EHD2: variants seen among roughly 807,000 people sequenced by gnomAD.
EHD2 encodes the protein EH domain-containing protein 2.
EHD2 carries 27 observed loss-of-function variants against 41.0 expected under a neutral mutation model. The ratio of observed to expected loss-of-function variants is 0.66; its 90% CI spans 0.49 to 0.91. The LOEUF (loss-of-function observed/expected upper bound fraction) is 0.91. Ranked by LOEUF, EHD2 falls within the 40% of genes least tolerant of loss-of-function variation. The pLI is 0.00. For missense variants in EHD2, 673 were observed against 773.9 expected, an observed-to-expected ratio of 0.87 and a Z score of 1.55; for synonymous variants, 342 against 341.0, an observed-to-expected ratio of 1.00 and a Z score of -0.03.
chr19:47,715,615 G>A (rs1038042986), intron 1 of EHD2, among the ~76,000 whole-genome samples: 1 of 152,102 alleles, frequency 6.6e-6, no homozygotes, highest in African/African-American at 2.4e-5. Flanking sequence ...ATGGAAGGGA[G>A]AAGGGAGGAA....
rs556470943 is a variant in EHD2, at chr19:47,728,599, C to T, written c.915+2375C>T. On this transcript the variant is annotated intron_variant, in intron 4 of 5. Coordinates refer to ENST00000263277, the MANE Select transcript of EHD2 (RefSeq NM_014601.4). ...TTTTTTTTTTTTTGAGACAGGGTCT[C>T]CCTCTGTTGCCCAGGCTGGAGTGCA... 6.4e-5 allele frequency among the ~76,000 whole-genome samples: 9 copies of T among 140,910 alleles called. No homozygotes were observed. In the East Asian group the frequency reaches 1.8e-3, roughly 28 times the overall value. 92.4% of individuals were successfully genotyped at this position (140,910 alleles called of 152,430 possible). A position where few individuals can be genotyped will look rare whatever the true frequency, so the allele number is the denominator to read the frequency against.
chr19:47,731,168 G>C (rs1160026845), intron 4 of EHD2, among the ~76,000 whole-genome samples: 1 of 149,810 alleles, frequency 6.7e-6, no homozygotes, highest in Non-Finnish European at 1.5e-5. Context: ...AGAGCCTAAC[G>C]GGGCTGGAGA....
intron 4 of EHD2, chr19:47,731,279 A>AAAAAAAAAATATATATAT: frequency 1.6e-5 from 1 of 60,926 alleles, no homozygotes; most frequent in African/African-American, 4.9e-5. Flanking sequence ...AAAAAAAAAA[A>AAAAAAAAAATATATATAT]ATATATATAT....
chr19:47,721,422 C>G (rs1472427422), intron 3 of EHD2, among the ~76,000 whole-genome samples: 1 of 151,786 alleles, frequency 6.6e-6, no homozygotes, highest in Non-Finnish European at 1.5e-5. Flanking sequence ...TCAAGCAATT[C>G]TCTGCCTCAG....
chr19:47,740,255 G>A (rs945663829), intron 5 of EHD2, among the ~76,000 whole-genome samples: 11 of 151,820 alleles, frequency 7.2e-5, no homozygotes, highest in Non-Finnish European at 1.5e-4. Flanking sequence ...TAGTCCCAGC[G>A]AATTGCGGGG....
At chr19:47,735,264 AG>A (rs1966909344) in intron 4 of EHD2, among the ~76,000 whole-genome samples, 1 of 151,966 alleles carries the variant, frequency 6.6e-6, no homozygotes, top group South Asian at 2.1e-4. Flanking sequence ...CTGGAGGGAG[AG>A]GCTTAGGCTG....
intron 4 of EHD2, among the ~76,000 whole-genome samples, chr19:47,728,422 T>C (rs940840630): frequency 1.3e-5 from 2 of 152,058 alleles, no homozygotes; most frequent in Non-Finnish European, 2.9e-5. Context: ...ATGCCCTCCT[T>C]TGAATGAATA....
At position 47,716,768 on chromosome 19, in the gene EHD2, C is replaced by T. The variant is rs764869867; in HGVS notation, c.156C>T (p.Asp52=). 2.7e-5 allele frequency: 44 copies of T among 1,613,022 alleles called. 1 individual carries two copies. Among genetic ancestry groups the T allele is most frequent in the South Asian group, 2.5e-4 (23 of 90,940 alleles). The change falls in exon 2 of 6, where the codon GAC becomes GAT. Residue 52 remains aspartate, a synonymous_variant. Coordinates refer to ENST00000263277, the MANE Select transcript of EHD2 (RefSeq NM_014601.4). ...FGAFHSPALE[D]ADFDGKPMVL... ...CCTTCCACTCGCCGGCCCTGGAGGA[C>T]GCAGACTTCGACGGCAAGCCCATGG...
chr19:47,715,739 T>C (rs547462281), intron 1 of EHD2, among the ~76,000 whole-genome samples: 1 of 152,290 alleles, frequency 6.6e-6, no homozygotes, highest in South Asian at 2.1e-4. Context: ...TTCAACCATG[T>C]CACCATTAAT....
rs1202242863 is a variant in EHD2 at position 47,741,670 on chromosome 19, C to T, written c.*238C>T. The T allele has an allele frequency of 2.6e-5, 16 of 621,732 alleles. No homozygotes were observed. Among genetic ancestry groups the T allele is most frequent in the Non-Finnish European group, 4.3e-5 (15 of 349,372 alleles). The allele number at this position is 621,732 out of a possible 1,614,324, so 38.5% of individuals were successfully genotyped here. On this transcript the variant is annotated 3_prime_UTR_variant, in exon 6 of 6. Coordinates refer to ENST00000263277, the MANE Select transcript of EHD2 (RefSeq NM_014601.4). The surrounding 1 kb of genome is among the most constrained non-coding windows in gnomAD (Gnocchi z 4.5). ...CAGCCTCACGTTCACTTAGGCACATCACACACACACTGGCACACGCAGGCA... is the reference window on the plus strand; with the variant it reads ...CAGCCTCACGTTCACTTAGGCACATTACACACACACTGGCACACGCAGGCA...
intron 3 of EHD2, among the ~76,000 whole-genome samples, chr19:47,721,685 T>C (rs1973698576): frequency 6.6e-6 from 1 of 151,846 alleles, no homozygotes; most frequent in East Asian, 1.9e-4. Context: ...TTTTCTTACC[T>C]GCAAAATGGG....
chr19:47,724,491 G>A (rs1321353872), intron 3 of EHD2, among the ~76,000 whole-genome samples: 1 of 152,200 alleles, frequency 6.6e-6, no homozygotes, highest in Non-Finnish European at 1.5e-5. Context: ...AGACAGCTAA[G>A]TCAGGGGGTC....
At chr19:47,721,505 G>A (rs1973696653) in intron 3 of EHD2, among the ~76,000 whole-genome samples, 3 of 151,732 alleles carry the variant, frequency 2.0e-5, no homozygotes, top group African/African-American at 4.8e-5. Flanking sequence ...TAGTAGAGAC[G>A]GGGTTTCGCC....
intron 5 of EHD2, among the ~76,000 whole-genome samples, chr19:47,738,921 C>T (rs73941232): frequency 0.024 from 3,650 of 152,246 alleles, 133 homozygotes; most frequent in African/African-American, 0.081. Flanking sequence ...CAAGTCCACC[C>T]CTACACCCCA....
In EHD2 at chr19:47,716,643, C is replaced by A; in HGVS notation, c.31C>A (p.Arg11=). 6.4e-7 allele frequency: 1 copy of A among 1,565,458 alleles called. No homozygotes were observed. Among genetic ancestry groups the A allele is most frequent in the Non-Finnish European group, 8.6e-7 (1 of 1,156,162 alleles). MFSWLKRGGA[R]GQQPEAIRTV... ...CAGCTGGCTGAAGCGGGGCGGGGCA[C>A]GGGGCCAGCAGCCCGAGGCCATCCG... Residue 11 remains arginine (R), a synonymous_variant, in exon 2 of 6, where the codon CGG becomes AGG. Transcript: ENST00000263277.
chr19:47,724,286 T>C (rs1973727420), intron 3 of EHD2, among the ~76,000 whole-genome samples: 1 of 151,428 alleles, frequency 6.6e-6, no homozygotes, highest in South Asian at 2.1e-4. Flanking sequence ...CTTGAACTCC[T>C]GGCCTCAATT....
intron 4 of EHD2, among the ~76,000 whole-genome samples, chr19:47,733,726 TG>T (rs1343935483): frequency 2.0e-5 from 2 of 102,056 alleles, no homozygotes; most frequent in Non-Finnish European, 3.7e-5. Context: ...CACTCCAGTC[TG>T]GGTGACAGAG....
At chr19:47,737,454 C>T (rs985737505) in intron 5 of EHD2, among the ~76,000 whole-genome samples, 8 of 151,246 alleles carry the variant, frequency 5.3e-5, no homozygotes, top group East Asian at 2.0e-4. Context: ...GTCAGGAGTT[C>T]GAGACCAGCC....
At chr19:47,732,608 A>G (rs904485812) in intron 4 of EHD2, among the ~76,000 whole-genome samples, 3 of 151,496 alleles carry the variant, frequency 2.0e-5, no homozygotes, top group Non-Finnish European at 4.4e-5. Context: ...TTTTTTAGAG[A>G]CCAAGTCTTG....
Sources: allele counts gnomAD v4.1 joint callset (sites outside exome capture counted in the v4.1 genomes callset), GRCh38; gene constraint gnomAD v4.1.1; non-coding constraint Gnocchi (gnomAD v3.1); transcripts MANE v1.5; gene names NCBI Gene and HGNC (gene_info 2026-07-23, HGNC 2026-07-21).